HOMER1: variants seen among roughly 807,000 people sequenced by gnomAD.
The protein encoded by HOMER1 is homer scaffold protein 1.
In HOMER1, 3 loss-of-function variants were observed where a neutral mutation model predicts 48.9. That is an observed-to-expected ratio of 0.06 (90% confidence interval 0.03 to 0.16). The LOEUF (loss-of-function observed/expected upper bound fraction) is 0.16, where lower values mean the gene tolerates loss of function less well. Among genes scored for constraint, HOMER1 ranks in the 10% least tolerant of loss-of-function variants. The pLI, the probability that HOMER1 is intolerant of heterozygous loss-of-function variation, is 1.00. For missense variants in HOMER1, 247 were observed against 411.4 expected (o/e 0.60, Z 3.46); for synonymous variants, 134 against 146.4 (o/e 0.92, Z 0.61).
chr5:79,485,564 C>T (rs1752076024), intron 1 of HOMER1, among the ~76,000 whole-genome samples: 1 of 152,188 alleles, frequency 6.6e-6, no homozygotes, highest in African/African-American at 2.4e-5. Context: ...AGTAACAACA[C>T]ATTTTAACAT....
chr5:79,507,128 G>A (rs1342807162), intron 1 of HOMER1, among the ~76,000 whole-genome samples: 1 of 147,578 alleles, frequency 6.8e-6, no homozygotes, highest in Non-Finnish European at 1.5e-5. Flanking sequence ...CAGGAGAAAT[G>A]CTGGAACCCG....
chr5:79,471,396 A>G (rs558341580), intron 1 of HOMER1, among the ~76,000 whole-genome samples: 59 of 151,940 alleles, frequency 3.9e-4, no homozygotes, highest in Non-Finnish European at 3.7e-4. Flanking sequence ...AATACAAAAA[A>G]TTAGCCGGGC....
chr5:79,403,249 T>C (rs769224087), intron 5 of HOMER1, among the ~76,000 whole-genome samples: 8 of 152,222 alleles, frequency 5.3e-5, no homozygotes, highest in East Asian at 1.9e-4. Flanking sequence ...GTGAGGCTTA[T>C]AGCTTTCTTC....
At chr5:79,436,128 G>A (rs887996839) in intron 5 of HOMER1, among the ~76,000 whole-genome samples, 6 of 137,692 alleles carry the variant, frequency 4.4e-5, no homozygotes, top group South Asian at 2.4e-4. Context: ...GCGAGACTCC[G>A]TCTCAAAAAA....
chr5:79,496,513 T>A (rs961751613), intron 1 of HOMER1, among the ~76,000 whole-genome samples: 4 of 152,128 alleles, frequency 2.6e-5, no homozygotes, highest in Non-Finnish European at 4.4e-5. Flanking sequence ...TGAAGTGTCA[T>A]AGAAAAACTT....
intron 1 of HOMER1, among the ~76,000 whole-genome samples, chr5:79,491,913 G>A (rs181938720): frequency 4.6e-5 from 7 of 152,250 alleles, no homozygotes; most frequent in African/African-American, 1.7e-4. Flanking sequence ...TAAGTAACTT[G>A]CCCAAGATTA....
At chr5:79,439,195 A>T (rs750125670) in intron 4 of HOMER1, 46 bp from the exon 5 acceptor site, 15 of 1,595,684 alleles carry the variant, frequency 9.4e-6, no homozygotes, top group Non-Finnish European at 1.3e-5. Flanking sequence ...CACTTTTGTT[A>T]AAGTACACAA....
chr5:79,492,228 T>C (rs1752297186), intron 1 of HOMER1, among the ~76,000 whole-genome samples: 1 of 152,184 alleles, frequency 6.6e-6, no homozygotes, highest in South Asian at 2.1e-4. Context: ...CATTCCATCA[T>C]CATGAAAGTG....
chr5:79,431,753 T>G (rs1200912712), intron 5 of HOMER1, among the ~76,000 whole-genome samples: 1 of 152,162 alleles, frequency 6.6e-6, no homozygotes, highest in Non-Finnish European at 1.5e-5. Flanking sequence ...AAAACAAAAG[T>G]ACAATGTACA....
chr5:79,439,583 G>C (rs1167313964), intron 4 of HOMER1, among the ~76,000 whole-genome samples: 1 of 152,136 alleles, frequency 6.6e-6, no homozygotes, highest in Non-Finnish European at 1.5e-5. Flanking sequence ...AGGAGAAGAA[G>C]TGGATGAGGA....
At chr5:79,379,060 T>C (rs1748853418) in intron 8 of HOMER1, among the ~76,000 whole-genome samples, 1 of 108,170 alleles carries the variant, frequency 9.2e-6, no homozygotes, top group South Asian at 3.1e-4. Flanking sequence ...TGGCACTTCT[T>C]AGGTGTCTAC....
intron 1 of HOMER1, among the ~76,000 whole-genome samples, chr5:79,468,056 A>G (rs1351180566): frequency 1.3e-5 from 2 of 152,166 alleles, no homozygotes; most frequent in African/African-American, 2.4e-5. Flanking sequence ...GATTAAAGGT[A>G]TGAGCCACCA....
chr5:79,475,486 A>G (rs1055292141), intron 1 of HOMER1, among the ~76,000 whole-genome samples: 1 of 148,372 alleles, frequency 6.7e-6, no homozygotes, highest in African/African-American at 2.5e-5. Context: ...GAAGAACAGC[A>G]GGGGAAAAGC....
intron 1 of HOMER1, among the ~76,000 whole-genome samples, chr5:79,460,481 C>T (rs891326572): frequency 1.3e-5 from 2 of 152,092 alleles, no homozygotes; most frequent in Non-Finnish European, 1.5e-5. Context: ...GAGAGAAATA[C>T]TGGACACAGG....
intron 3 of HOMER1, 124 bp downstream of exon 3, chr5:79,450,866 A>G (rs1265391135): frequency 3.4e-6 from 3 of 880,112 alleles, no homozygotes; most frequent in Admixed American, 2.8e-5. Flanking sequence ...TGAAGTCACT[A>G]CTGCTGTTTC....
chr5:79,505,141 C>T (rs1430131937), intron 1 of HOMER1, among the ~76,000 whole-genome samples: 1 of 152,102 alleles, frequency 6.6e-6, no homozygotes, highest in African/African-American at 2.4e-5. Context: ...CACCTGTAGT[C>T]CCAACTACTC....
intron 1 of HOMER1, among the ~76,000 whole-genome samples, chr5:79,496,693 T>C (rs1752429697): frequency 6.6e-6 from 1 of 152,052 alleles, no homozygotes; most frequent in Non-Finnish European, 1.5e-5. Context: ...TCACCAGATA[T>C]TCCAGAATAG....
At chr5:79,465,335 T>G (rs1751427388) in intron 1 of HOMER1, among the ~76,000 whole-genome samples, 1 of 152,004 alleles carries the variant, frequency 6.6e-6, no homozygotes, top group Non-Finnish European at 1.5e-5. Context: ...AGACCCTGTC[T>G]CTTTAAAAAA....
At chr5:79,378,439 GGT>G (rs1030366651) in intron 8 of HOMER1, among the ~76,000 whole-genome samples, 3 of 151,886 alleles carry the variant, frequency 2.0e-5, no homozygotes, top group Non-Finnish European at 4.4e-5. Context: ...ATGTTAGCCA[GGT>G]ATGTTTCCAA....
Sources: allele counts gnomAD v4.1 joint callset (sites outside exome capture counted in the v4.1 genomes callset), GRCh38; gene constraint gnomAD v4.1.1; transcripts MANE v1.5; gene names NCBI Gene and HGNC (gene_info 2026-07-23, HGNC 2026-07-21).